TPP2: variants seen among roughly 807,000 people sequenced by gnomAD.
TPP2 encodes the protein tripeptidyl peptidase 2.
In TPP2, 34 loss-of-function variants were observed where a neutral mutation model predicts 155.9. That is an observed-to-expected ratio of 0.22 (90% CI 0.17 to 0.29). The LOEUF is 0.29. TPP2 is among the 10% of genes least tolerant of loss of function. The pLI, the probability that TPP2 is intolerant of heterozygous loss-of-function variation, is 1.00. For synonymous variants in TPP2, 510 were observed against 529.4 expected (o/e 0.96, Z 0.50); for missense variants, 1,028 against 1,522.3 (o/e 0.68, Z 5.40).
intron 25 of TPP2, among the ~76,000 whole-genome samples, chr13:102,660,725 C>G (rs1381593984): frequency 1.3e-5 from 2 of 152,156 alleles, no homozygotes; most frequent in Admixed American, 1.3e-4. Context: ...GATTCCAAAA[C>G]TTAAATAGAA....
chr13:102,606,894 G>A (rs4436654), intron 2 of TPP2, among the ~76,000 whole-genome samples: 22,394 of 152,114 alleles, frequency 0.15, 1,987 homozygotes, highest in African/African-American at 0.25. Context: ...TTCATACATT[G>A]AAGCCCTATC....
chr13:102,612,126 AAAAT>A (rs1450450593), intron 2 of TPP2, among the ~76,000 whole-genome samples: 1 of 152,188 alleles, frequency 6.6e-6, no homozygotes, highest in Non-Finnish European at 1.5e-5. Context: ...TAAAAAAAAT[AAAAT>A]AAAGATAAAT....
rs1173902697 is a variant in TPP2 at position 102,643,321 on chromosome 13, A to G, written c.2120A>G (p.Tyr707Cys). Residue 707 changes from tyrosine to cysteine, a missense_variant, in exon 17 of 30, where the codon TAT (tyrosine) becomes TGT (cysteine). Around this residue, in one of 7 missense-constraint regions of TPP2, gnomAD observed 325 missense variants for 463.7 expected, o/e 0.70. Transcript: ENST00000376052. Reference protein sequence around the residue: ...KQRAYRSHEFYKFCSLPEKGT... With the variant: ...KQRAYRSHEFCKFCSLPEKGT... ...AGAGCATATCGAAGCCATGAATTCT[A>G]TAAGTTTTGTTCTCTTCCAGAGAAA... 7.4e-6 allele frequency: 12 copies of G among 1,613,226 alleles called. No homozygotes were observed. The highest frequency in any genetic ancestry group is 1.0e-5 in the Non-Finnish European group (12 of 1,179,744).
chr13:102,616,951 TC>T (rs1237523525), intron 4 of TPP2, among the ~76,000 whole-genome samples: 1 of 151,974 alleles, frequency 6.6e-6, no homozygotes, highest in African/African-American at 2.4e-5. Context: ...CTCGCTCTGT[TC>T]CAGGCTGGAG....
At position 102,630,081 on chromosome 13, in the gene TPP2, A is replaced by G; in HGVS notation, c.1145-15A>G. The G allele has an allele frequency of 6.2e-7, 1 of 1,608,052 alleles. No individual in the cohort carries two copies. Among genetic ancestry groups the G allele is most frequent in the Non-Finnish European group, 8.5e-7 (1 of 1,176,712 alleles). ...CGTTTGTTTTCTTTTCTTAATGATT[A>G]AATCCATCCCACAGGTGTTGGTGCT... On this transcript the variant is annotated splice_polypyrimidine_tract_variant and intron_variant, in intron 9 of 29. Coordinates refer to ENST00000376052, the MANE Select transcript of TPP2 (RefSeq NM_001330588.2).
chr13:102,616,560 T>C, intron 4 of TPP2, 60 bp downstream of exon 4: 1 of 1,368,546 alleles, frequency 7.3e-7, no homozygotes, highest in Non-Finnish European at 9.9e-7. Flanking sequence ...ATAGAGTTTC[T>C]ACAGAACTAA....
intron 28 of TPP2, among the ~76,000 whole-genome samples, chr13:102,675,054 C>T (rs988646996): frequency 6.6e-6 from 1 of 152,084 alleles, no homozygotes. Flanking sequence ...CTTGCAATAG[C>T]GTTTATACAA....
Position 102,664,891 on chromosome 13 carries a change from A to T in TPP2, c.3337A>T (p.Thr1113Ser). The change falls in exon 27 of 30, where the codon ACT becomes TCT. Residue 1113 changes from threonine (T) to serine (S), a missense_variant. Coordinates refer to ENST00000376052, the MANE Select transcript of TPP2 (RefSeq NM_001330588.2). ...TALAVYIAMK[T>S]DPRPDAATIK... ...CCTAGCAGTTTATATTGCAATGAAG[A>T]CTGATCCCAGGCCTGATGCAGCTAC... The T allele has an allele frequency of 2.5e-6, 4 of 1,613,798 alleles. No homozygotes were observed. The highest frequency in any genetic ancestry group is 3.4e-6 in the Non-Finnish European group (4 of 1,179,852).
At chr13:102,642,975 G>A (rs924679015) in intron 16 of TPP2, among the ~76,000 whole-genome samples, 1 of 152,118 alleles carries the variant, frequency 6.6e-6, no homozygotes, top group African/African-American at 2.4e-5. Flanking sequence ...GCAGCCTCAT[G>A]GTGGTGGTTC....
At chr13:102,674,536 C>G (rs747720522) in intron 28 of TPP2, 46 bp downstream of exon 28, 6 of 1,590,004 alleles carry the variant, frequency 3.8e-6, no homozygotes, top group Non-Finnish European at 5.2e-6. Flanking sequence ...GGGGTTACCT[C>G]ACAGACCTCT....
chr13:102,621,484 T>G (rs989968618), intron 5 of TPP2, among the ~76,000 whole-genome samples: 1 of 151,306 alleles, frequency 6.6e-6, no homozygotes, highest in Non-Finnish European at 1.5e-5. Flanking sequence ...AGCAGAGAGG[T>G]AGAAAGGGTG....
chr13:102,663,646 A>T lies in TPP2; in HGVS notation c.3144-2A>T. Reference sequence around the variant, plus strand: ...ATATTTCTCTCCTTCTTACATACATAGGCTGGATTCTAGTGACATTTATAA... The same window carrying T: ...ATATTTCTCTCCTTCTTACATACATTGGCTGGATTCTAGTGACATTTATAA... On this transcript the variant is annotated splice_acceptor_variant, in intron 25 of 29. Transcript: ENST00000376052. LOFTEE classifies it high-confidence loss of function. The T allele has an allele frequency of 6.3e-7, 1 of 1,591,644 alleles. No individual in the cohort carries two copies. The highest frequency in any genetic ancestry group is 8.5e-7 in the Non-Finnish European group (1 of 1,170,792).
At chr13:102,615,959 T>C (rs559934182) in intron 3 of TPP2, among the ~76,000 whole-genome samples, 1 of 152,040 alleles carries the variant, frequency 6.6e-6, no homozygotes, top group South Asian at 2.1e-4. Context: ...TAGAAACTTT[T>C]TTTTTTTTTC....
At chr13:102,613,459 G>A (rs1406659163) in intron 2 of TPP2, among the ~76,000 whole-genome samples, 4 of 152,184 alleles carry the variant, frequency 2.6e-5, no homozygotes, top group Non-Finnish European at 5.9e-5. Flanking sequence ...TTTCTTGATT[G>A]ATCATTCATG....
Position 102,649,480 on chromosome 13 carries a change from G to A in TPP2, c.2946G>A (p.Lys982=), listed in dbSNP as rs767808318. ...SLTLSKTELG[K]KAGQSAAKRQ... ...CATTGTCAAAGACTGAACTAGGAAA[G>A]AAAGCTGTAAGTATTAGTTTTTTAA... The change falls in exon 23 of 30, where the codon AAG becomes AAA. Residue 982 remains lysine, a synonymous_variant. Transcript: ENST00000376052. 6.2e-7 allele frequency: 1 copy of A among 1,610,698 alleles called. No individual in the cohort carries two copies.
Position 102,614,277 on chromosome 13 carries a change from G to C in TPP2, c.390+81G>C. 6 of 1,234,582 alleles carry C rather than the reference G, an allele frequency of 4.9e-6. No individual in the cohort carries two copies. In the South Asian group the frequency reaches 9.4e-5, roughly 19 times the overall value. The allele number at this position is 1,234,582 out of a possible 1,614,324, so 76.5% of individuals were successfully genotyped here. On this transcript the variant is annotated intron_variant, in intron 3 of 29. Coordinates refer to ENST00000376052, the MANE Select transcript of TPP2 (RefSeq NM_001330588.2). ...AGATTTTATTCCTACTGAAGAAAAA[G>C]AAATATTTCATAAAATCTCATTAAC...
At chr13:102,640,841 G>A (rs1297144137) in intron 16 of TPP2, among the ~76,000 whole-genome samples, 1 of 151,804 alleles carries the variant, frequency 6.6e-6, no homozygotes, top group Admixed American at 6.6e-5. Context: ...TAGTAGACAC[G>A]AGGTTTCACC....
Position 102,663,756 on chromosome 13 carries a change from T to A in TPP2, c.3240+12T>A. On this transcript the variant is annotated intron_variant, in intron 26 of 29. Transcript: ENST00000376052. ...TGGATGCTGAAAAGGTTAGACATGT[T>A]CATTCTGATATATCTTATTTTGTTT... is the stretch of plus-strand genomic sequence containing the variant. 1.3e-6 allele frequency: 2 copies of A among 1,569,238 alleles called. No individual in the cohort carries two copies. The highest frequency in any genetic ancestry group is 1.7e-6 in the Non-Finnish European group (2 of 1,158,282).
Position 102,678,464 on chromosome 13 carries a change from C to A in TPP2, c.*148C>A. On this transcript the variant is annotated 3_prime_UTR_variant, in exon 30 of 30. Transcript: ENST00000376052. Reference sequence around the variant, plus strand: ...AATGACATGTATTTATCAGAGAATTCACTGACGTGTGGCTTAATACATGTA... The same window carrying A: ...AATGACATGTATTTATCAGAGAATTAACTGACGTGTGGCTTAATACATGTA... The A allele has an allele frequency of 1.6e-6, 1 of 630,498 alleles. No homozygotes were observed. Among genetic ancestry groups the A allele is most frequent in the Non-Finnish European group, 2.6e-6 (1 of 379,722 alleles). 39.1% of individuals were successfully genotyped at this position (630,498 alleles called of 1,614,324 possible).
Sources: allele counts gnomAD v4.1 joint callset (sites outside exome capture counted in the v4.1 genomes callset), GRCh38; gene constraint gnomAD v4.1.1; regional missense constraint gnomAD v4.1.1; transcripts MANE v1.5; gene names NCBI Gene and HGNC (gene_info 2026-07-23, HGNC 2026-07-21).